EFNA1: variants seen among roughly 807,000 people sequenced by gnomAD.
EFNA1 encodes the protein ephrin A1.
EFNA1 carries 8 observed loss-of-function variants against 23.2 expected under a neutral mutation model. The ratio of observed to expected loss-of-function variants is 0.34; its 90% CI spans 0.20 to 0.62. The LOEUF is 0.62. EFNA1 is among the 20% of genes least tolerant of loss of function. The pLI, the probability that EFNA1 is intolerant of heterozygous loss-of-function variation, is 0.75. For missense variants in EFNA1, 217 were observed against 260.0 expected (o/e 0.83, Z 1.14); for synonymous variants, 89 against 98.6 (o/e 0.90, Z 0.58).
In EFNA1 at chr1:155,134,752, T is replaced by C. The variant is rs1405171856; in HGVS notation, c.*685T>C. On this transcript the variant is annotated 3_prime_UTR_variant, in exon 5 of 5. Transcript: ENST00000368407. ...TAGCCTAAAGGGCAGGGCCCACGTG[T>C]ATAGTATCTGTATATAAGTTGCTGT... 6.3e-6 allele frequency: 1 copy of C among 158,310 alleles called. No individual in the cohort carries two copies. The highest frequency in any genetic ancestry group is 2.4e-5 in the African/African-American group (1 of 41,468). The allele number at this position is 158,310 out of a possible 1,614,324, so 9.8% of individuals were successfully genotyped here.
chr1:155,134,035 C>T lies in EFNA1; in HGVS notation c.586C>T (p.Leu196Phe), dbSNP rs1395238113. 1.2e-6 allele frequency: 2 copies of T among 1,614,060 alleles called. No homozygotes were observed. The highest frequency in any genetic ancestry group is 2.7e-5 in the African/African-American group (2 of 74,940). Residue 196 changes from leucine to phenylalanine, a missense_variant, in exon 5 of 5, where the codon CTC becomes TTC. By Grantham distance (22) the Leu-to-Phe change is conservative. Transcript: ENST00000368407. ...CTTCCCACTTGCCTGGACTGTGCTG[C>T]TCCTTCCACTTCTGCTGCTGCAAAC... is the stretch of plus-strand genomic sequence containing the variant. ...RLFPLAWTVL[L>F]LPLLLLQTP
chr1:155,133,111 A>G (rs1664274570), intron 2 of EFNA1, among the ~76,000 whole-genome samples: 1 of 152,078 alleles, frequency 6.6e-6, no homozygotes, highest in South Asian at 2.1e-4. Flanking sequence ...GGGTTTCACC[A>G]TATTGGCCAG....
chr1:155,130,372 AGCTGGTGGGGAGGG>A (rs1242587688), intron 1 of EFNA1: 3 of 316,980 alleles, frequency 9.5e-6, no homozygotes, highest in East Asian at 1.7e-4. Context: ...AGGTGTCTGG[AGCTGGTGGGGAGGG>A]GCTGGTGGGC....
At chr1:155,130,808 G>C in intron 1 of EFNA1, 1 of 985,322 alleles carries the variant, frequency 1.0e-6, no homozygotes, top group African/African-American at 1.7e-5. Flanking sequence ...CTACTCAGTG[G>C]GTCCGGGGAA....
rs1664236256 is a variant in EFNA1, at chr1:155,131,359, C to T, written c.113C>T (p.Thr38Ile). ...CCCAGGTTCCGGAATGAGGACTACA[C>T]CATACATGTGCAGCTGAATGACTAC... ...SNPKFRNEDY[T>I]IHVQLNDYVD... Residue 38 changes from threonine (T) to isoleucine (I), a missense_variant, in exon 2 of 5, where the codon ACC becomes ATC. Coordinates refer to ENST00000368407, the MANE Select transcript of EFNA1 (RefSeq NM_004428.3). 1 of 1,613,326 alleles carries T rather than the reference C, an allele frequency of 6.2e-7. No homozygotes were observed.
intron 1 of EFNA1, among the ~76,000 whole-genome samples, chr1:155,128,765 G>T (rs1028896424): frequency 2.2e-4 from 34 of 152,224 alleles, no homozygotes; most frequent in African/African-American, 8.2e-4. Flanking sequence ...GGTTACAGAA[G>T]GTTCTGGGCA....
chr1:155,133,626 G>T (rs982376837), intron 3 of EFNA1, 58 bp downstream of exon 3: 2 of 1,610,986 alleles, frequency 1.2e-6, no homozygotes, highest in Non-Finnish European at 1.7e-6. Flanking sequence ...GTGCGGTCTA[G>T]TGATCTAGGA....
chr1:155,132,122 G>T (rs1227186953), intron 2 of EFNA1, among the ~76,000 whole-genome samples: 1 of 152,182 alleles, frequency 6.6e-6, no homozygotes, highest in African/African-American at 2.4e-5. Context: ...AGGGACACAG[G>T]AAGTGAGGAG....
At chr1:155,132,242 T>C (rs770597979) in intron 2 of EFNA1, among the ~76,000 whole-genome samples, 3 of 152,084 alleles carry the variant, frequency 2.0e-5, no homozygotes. Flanking sequence ...TATTTTATTT[T>C]ATTTTATTAT....
In EFNA1 at chr1:155,134,050, C is replaced by T. The variant is rs771228758; in HGVS notation, c.601C>T (p.Leu201=). The stretch of plus-strand genomic sequence containing the variant: ...GACTGTGCTGCTCCTTCCACTTCTG[C>T]TGCTGCAAACCCCGTGAAGGTGTAT... ...AWTVLLLPLL[L]LQTP The change falls in exon 5 of 5, where the codon CTG becomes TTG. Residue 201 remains leucine, a synonymous_variant. Transcript: ENST00000368407. 1 of 1,614,104 alleles carries T rather than the reference C, an allele frequency of 6.2e-7. No individual in the cohort carries two copies. The highest frequency in any genetic ancestry group is 1.1e-5 in the South Asian group (1 of 91,066).
In EFNA1 at chr1:155,133,544, A is replaced by G. The variant is rs1664287843; in HGVS notation, c.430A>G (p.Lys144Glu). Residue 144 changes from lysine (K) to glutamate (E), a missense_variant, in exon 3 of 5, where the codon AAG becomes GAG. Coordinates refer to ENST00000368407, the MANE Select transcript of EFNA1 (RefSeq NM_004428.3). ...GCATGAAGACCGCTGCTTGAGGTTGAAGGTGACTGTCAGTGGCAAAATCAG... is the reference window on the plus strand; with the variant it reads ...GCATGAAGACCGCTGCTTGAGGTTGGAGGTGACTGTCAGTGGCAAAATCAG... ...HQHEDRCLRL[K>E]VTVSGKITHS... 1.2e-6 allele frequency: 2 copies of G among 1,613,874 alleles called. No individual in the cohort carries two copies. Among genetic ancestry groups the G allele is most frequent in the Middle Eastern group, 1.6e-4 (1 of 6,084 alleles).
Position 155,131,404 on chromosome 1 carries a change from A to T in EFNA1, c.158A>T (p.His53Leu). The change falls in exon 2 of 5, where the codon CAC (histidine) becomes CTC (leucine). Residue 53 changes from histidine (H) to leucine (L), a missense_variant. His to Leu is a moderately conservative substitution (Grantham distance 99). Coordinates refer to ENST00000368407, the MANE Select transcript of EFNA1 (RefSeq NM_004428.3). The part of the protein sequence containing the change: ...LNDYVDIICP[H>L]YEDHSVADAA... ...GACTACGTGGACATCATCTGTCCGC[A>T]CTATGAAGATCACTCTGTGGCAGAC... 6.2e-7 allele frequency: 1 copy of T among 1,614,182 alleles called. No homozygotes were observed.
Position 155,130,101 on chromosome 1 carries a change from T to G in EFNA1, c.93-1238T>G, listed in dbSNP as rs139822562. On this transcript the variant is annotated intron_variant, in intron 1 of 4. Transcript: ENST00000368407. ...GGGGAGGGGCCTGGTAAGCCCAGTT[T>G]GGGCGCTGGCACGCTGCTGCAAAGC... 2.4e-3 allele frequency among the ~76,000 whole-genome samples: 361 copies of G among 152,218 alleles called. 12 individuals are homozygous for G. In the East Asian group the frequency reaches 0.056, roughly 24 times the overall value.
intron 1 of EFNA1, chr1:155,130,860 A>G: frequency 1.0e-6 from 1 of 985,334 alleles, no homozygotes. Flanking sequence ...GATGTGTTGG[A>G]GGCTCCAGGC....
At chr1:155,132,077 G>A (rs1219713354) in intron 2 of EFNA1, among the ~76,000 whole-genome samples, 1 of 152,048 alleles carries the variant, frequency 6.6e-6, no homozygotes, top group Non-Finnish European at 1.5e-5. Context: ...GACATCTTCA[G>A]GGAACTTCCT....
intron 2 of EFNA1, among the ~76,000 whole-genome samples, chr1:155,132,935 G>C (rs1398434882): frequency 6.6e-6 from 1 of 151,908 alleles, no homozygotes; most frequent in African/African-American, 2.4e-5. Context: ...TTCTGAGACA[G>C]AGTCTCGCTC....
chr1:155,128,600 A>C (rs1042648904), intron 1 of EFNA1, among the ~76,000 whole-genome samples: 11 of 152,236 alleles, frequency 7.2e-5, no homozygotes, highest in African/African-American at 2.7e-4. Flanking sequence ...AAAGTCCCTC[A>C]CTAGGGGTCT....
chr1:155,132,737 G>T (rs951089374), intron 2 of EFNA1, among the ~76,000 whole-genome samples: 1 of 151,572 alleles, frequency 6.6e-6, no homozygotes, highest in African/African-American at 2.4e-5. Flanking sequence ...GGCTGAGGCA[G>T]GAGGATCGCT....
chr1:155,128,162 G>A (rs908553515), intron 1 of EFNA1, 93 bp downstream of exon 1: 10 of 1,163,140 alleles, frequency 8.6e-6, no homozygotes, highest in Admixed American at 2.0e-5. Flanking sequence ...GCTGAGCCTA[G>A]AGTAGATGAC....
Sources: allele counts gnomAD v4.1 joint callset (sites outside exome capture counted in the v4.1 genomes callset), GRCh38; gene constraint gnomAD v4.1.1; transcripts MANE v1.5; gene names NCBI Gene and HGNC (gene_info 2026-07-23, HGNC 2026-07-21).